HIF1A: variants seen among roughly 807,000 people sequenced by gnomAD.
HIF1A encodes the protein hypoxia-inducible factor 1-alpha.
In HIF1A, 24 loss-of-function variants were observed where a neutral mutation model predicts 92.7. That is an observed-to-expected ratio of 0.26 (90% CI 0.19 to 0.36). HIF1A has a LOEUF of 0.36. HIF1A is among the 10% of genes least tolerant of loss of function. The probability of loss-of-function intolerance (pLI) is 1.00; values close to 1 mark genes in which losing one functional copy is unlikely to be tolerated. For synonymous variants in HIF1A, 319 were observed against 338.7 expected, an observed-to-expected ratio of 0.94 and a Z score of 0.64; for missense variants, 799 against 998.5, an observed-to-expected ratio of 0.80 and a Z score of 2.69.
intron 4 of HIF1A, 83 bp from the exon 5 acceptor site, chr14:61,726,614 CAGTTGATCT>C: frequency 1.5e-6 from 1 of 672,926 alleles, no homozygotes; most frequent in Non-Finnish European, 2.5e-6. Context: ...AACGGGTATT[CAGTTGATCT>C]AGGTGATGGG....
In HIF1A at chr14:61,720,698, C is replaced by T. The variant is rs545790564; in HGVS notation, c.226+126C>T. 1.6e-5 allele frequency: 8 copies of T among 485,202 alleles called. No individual in the cohort carries two copies. In the East Asian group the frequency reaches 2.1e-4, roughly 13 times the overall value. The allele number at this position is 485,202 out of a possible 1,614,324, so 30.1% of individuals were successfully genotyped here. A position where few individuals can be genotyped will look rare whatever the true frequency, so the allele number is the denominator to read the frequency against. The stretch of plus-strand genomic sequence containing the variant: ...ACCTCTTTATATTGTGATATGTACA[C>T]GTTTAAAAATTTTTCTGTAATTCTC... On this transcript the variant is annotated intron_variant, in intron 2 of 14. Coordinates refer to ENST00000337138, the MANE Select transcript of HIF1A (RefSeq NM_001530.4).
rs1275007714 is a variant in HIF1A at position 61,727,368 on chromosome 14, A to G, written c.571-85A>G. The G allele has an allele frequency of 3.2e-6, 3 of 938,732 alleles. No individual in the cohort carries two copies. The East Asian group carries it at 7.3e-5, about 23-fold the overall frequency. The allele number at this position is 938,732 out of a possible 1,614,324, so 58.2% of individuals were successfully genotyped here. On this transcript the variant is annotated intron_variant, in intron 5 of 14. Transcript: ENST00000337138. The stretch of plus-strand genomic sequence containing the variant: ...TAAATTTTATCAAAGCTTACTGGCC[A>G]TGTCAGACTCAACTACTTATCTCTG...
chr14:61,741,364 C>CTTTTTTTTTTTTTT (rs34138408), intron 12 of HIF1A, among the ~76,000 whole-genome samples, 176 bp downstream of exon 12: 1 of 137,048 alleles, frequency 7.3e-6, no homozygotes. Context: ...CTTTTTCTTT[C>CTTTTTTTTTTTTTT]TTTTTTTTTT....
chr14:61,726,870 T>C (rs749559954), intron 5 of HIF1A, 52 bp downstream of exon 5: 36 of 1,008,370 alleles, frequency 3.6e-5, no homozygotes, highest in Non-Finnish European at 5.1e-5. Context: ...TACATAGACA[T>C]TGTAGTATTA....
In HIF1A at chr14:61,741,163, G is replaced by A. The variant is rs761548161; in HGVS notation, c.2068G>A (p.Val690Met). ...TEKSHPRSPN[V>M]LSVALSQRTT... ...AAAATCTCATCCAAGAAGCCCTAAC[G>A]TGTTATCTGTCGCTTTGAGTCAAAG... Residue 690 changes from valine (V) to methionine (M), a missense_variant, in exon 12 of 15, where the codon GTG becomes ATG. Transcript: ENST00000337138. The A allele has an allele frequency of 5.6e-6, 9 of 1,604,220 alleles. No individual in the cohort carries two copies. The highest frequency in any genetic ancestry group is 1.1e-5 in the South Asian group (1 of 89,026).
intron 8 of HIF1A, 98 bp downstream of exon 8, chr14:61,734,383 C>G (rs2044611734): frequency 1.2e-6 from 1 of 818,336 alleles, no homozygotes; most frequent in Non-Finnish European, 1.9e-6. Context: ...TAAATATTAA[C>G]TAAATTTTAA....
intron 1 of HIF1A, among the ~76,000 whole-genome samples, chr14:61,708,380 T>C (rs2044267210): frequency 6.6e-6 from 1 of 152,212 alleles, no homozygotes; most frequent in Admixed American, 6.5e-5. Flanking sequence ...TCCTTGCCCA[T>C]GCCTATGTCC....
intron 1 of HIF1A, among the ~76,000 whole-genome samples, chr14:61,712,300 G>C (rs1319319498): frequency 6.6e-6 from 1 of 151,976 alleles, no homozygotes; most frequent in Admixed American, 6.6e-5. Flanking sequence ...TTTAAGAACA[G>C]TAAGGAGGCT....
At chr14:61,709,056 C>T (rs937181665) in intron 1 of HIF1A, among the ~76,000 whole-genome samples, 1 of 152,126 alleles carries the variant, frequency 6.6e-6, no homozygotes, top group Non-Finnish European at 1.5e-5. Context: ...TGGCAACATG[C>T]CTAGCTAATT....
At chr14:61,719,738 A>G (rs1324716522) in intron 1 of HIF1A, among the ~76,000 whole-genome samples, 1 of 152,036 alleles carries the variant, frequency 6.6e-6, no homozygotes, top group Non-Finnish European at 1.5e-5. Context: ...TTTTTCTTCC[A>G]TATTCCTGCA....
rs1374649474 is a variant in HIF1A at position 61,740,744 on chromosome 14, C to T, written c.1660-11C>T. 2 of 1,594,180 alleles carry T rather than the reference C, an allele frequency of 1.3e-6. No individual in the cohort carries two copies. Among genetic ancestry groups the T allele is most frequent in the South Asian group, 1.1e-5 (1 of 88,198 alleles). ...GCCATTGTAAAAACTCATGTATTTG[C>T]TGTTTTAAAGGACACAGATTTAGAC... On this transcript the variant is annotated splice_polypyrimidine_tract_variant and intron_variant, in intron 11 of 14. Transcript: ENST00000337138.
intron 12 of HIF1A, among the ~76,000 whole-genome samples, chr14:61,744,256 TG>T (rs1000290220): frequency 1.3e-3 from 194 of 152,226 alleles, no homozygotes; most frequent in African/African-American, 4.4e-3. Context: ...GACGGCCAGG[TG>T]CTCACGCCTG....
chr14:61,717,404 T>C lies in HIF1A; in HGVS notation c.36-2978T>C, dbSNP rs561527554. Among the ~76,000 whole-genome samples the C allele has an allele frequency of 5.9e-5, 9 of 152,354 alleles. No individual in the cohort carries two copies. The East Asian group carries it at 1.7e-3, about 29-fold the overall frequency. The stretch of plus-strand genomic sequence containing the variant: ...AGATTTTTCCATTAAATCTTTATTA[T>C]AGATCCCTTGATTGGTTTCTGTCTA... On this transcript the variant is annotated intron_variant, in intron 1 of 14. Transcript: ENST00000337138.
At chr14:61,706,500 A>C (rs182085616) in intron 1 of HIF1A, among the ~76,000 whole-genome samples, 21 of 152,302 alleles carry the variant, frequency 1.4e-4, no homozygotes, top group Admixed American at 2.6e-4. Flanking sequence ...TGTGAAACTC[A>C]CTATATTCAG....
intron 10 of HIF1A, among the ~76,000 whole-genome samples, chr14:61,739,575 T>A (rs1367071256): frequency 3.3e-5 from 5 of 152,156 alleles, no homozygotes; most frequent in African/African-American, 1.2e-4. Flanking sequence ...GGTTGCTTAA[T>A]TTACCCAGAA....
At chr14:61,721,105 C>G (rs2044421641) in intron 2 of HIF1A, among the ~76,000 whole-genome samples, 1 of 151,990 alleles carries the variant, frequency 6.6e-6, no homozygotes, top group African/African-American at 2.4e-5. Flanking sequence ...GATGGGCACG[C>G]TGGTAGGTGC....
chr14:61,726,719 G>C lies in HIF1A; in HGVS notation c.471G>C (p.Lys157Asn), dbSNP rs373303038. 1 of 1,595,542 alleles carries C rather than the reference G, an allele frequency of 6.3e-7. No individual in the cohort carries two copies. The highest frequency in any genetic ancestry group is 1.4e-5 in the African/African-American group (1 of 74,064). Residue 157 changes from lysine (K) to asparagine (N), a missense_variant, in exon 5 of 15, where the codon AAG becomes AAC. Lys to Asn is a moderately conservative substitution (Grantham distance 94). This residue lies in a region of HIF1A where 516 missense variants were observed against 721.0 expected (regional missense o/e 0.72). Coordinates refer to ENST00000337138, the MANE Select transcript of HIF1A (RefSeq NM_001530.4). ...MLTHRNGLVK[K>N]GKEQNTQRSF... ...TGCTTTCATTAGGCCTTGTGAAAAA[G>C]GGTAAAGAACAAAACACACAGCGAA...
chr14:61,695,774 G>A lies in HIF1A; in HGVS notation c.-31G>A, dbSNP rs1454985536. On this transcript the variant is annotated 5_prime_UTR_variant, in exon 1 of 15. Transcript: ENST00000337138. ...GCCGGAGCGAGCCTGGGGGCCGCCC[G>A]CCGTGAAGACATCGCGGGGACCGAT... 1.3e-5 allele frequency: 20 copies of A among 1,586,528 alleles called. No individual in the cohort carries two copies. The highest frequency in any genetic ancestry group is 1.7e-5 in the Non-Finnish European group (20 of 1,168,384).
intron 4 of HIF1A, among the ~76,000 whole-genome samples, chr14:61,725,276 C>G (rs2044489533): frequency 6.6e-6 from 1 of 152,168 alleles, no homozygotes; most frequent in Non-Finnish European, 1.5e-5. Context: ...TTAACTTCTT[C>G]AGGAAAGGTG....
Sources: allele counts gnomAD v4.1 joint callset (sites outside exome capture counted in the v4.1 genomes callset), GRCh38; gene constraint gnomAD v4.1.1; regional missense constraint gnomAD v4.1.1; transcripts MANE v1.5; gene names NCBI Gene and HGNC (gene_info 2026-07-23, HGNC 2026-07-21).